The following ASAP2 variants were observed in gnomAD, a reference collection of about 807,000 sequenced individuals.
ASAP2 encodes arf-GAP with SH3 domain, ANK repeat and PH domain-containing protein 2.
A neutral mutation model predicts 131.4 loss-of-function variants in ASAP2; 45 were observed. That is an observed-to-expected ratio of 0.34 (90% confidence interval 0.27 to 0.44). ASAP2 has a LOEUF of 0.44. Among genes scored for constraint, ASAP2 ranks in the 20% least tolerant of loss-of-function variants. The pLI is 1.00. For synonymous variants in ASAP2, 510 were observed against 503.0 expected, an observed-to-expected ratio of 1.01 and a Z score of -0.19; for missense variants, 1,011 against 1,297.0, an observed-to-expected ratio of 0.78 and a Z score of 3.39.
chr2:9,397,737 TATATATA>T (rs1676259603), intron 24 of ASAP2, among the ~76,000 whole-genome samples: 1 of 89,946 alleles, frequency 1.1e-5, no homozygotes, highest in African/African-American at 8.6e-5. Flanking sequence ...GATATATATA[TATATATA>T]TATATATTTT....
At chr2:9,358,617 A>C in intron 14 of ASAP2, 139 bp from the exon 15 acceptor site, 1 of 1,098,920 alleles carries the variant, frequency 9.1e-7, no homozygotes. Flanking sequence ...GTAATTATGG[A>C]CAAAGTTTCC....
At chr2:9,368,643 C>A in intron 16 of ASAP2, 124 bp downstream of exon 16, 1 of 755,920 alleles carries the variant, frequency 1.3e-6, no homozygotes, top group Non-Finnish European at 2.2e-6. Context: ...AATAAATCAG[C>A]CTATGTTGGG....
chr2:9,293,868 C>G (rs1190909590), intron 2 of ASAP2, among the ~76,000 whole-genome samples: 1 of 152,104 alleles, frequency 6.6e-6, no homozygotes, highest in Non-Finnish European at 1.5e-5. Flanking sequence ...GTGCTGATTG[C>G]AGTGGATGAA....
chr2:9,317,120 A>ACTCACATCCACATTCACACACT (rs1226341336), intron 3 of ASAP2, among the ~76,000 whole-genome samples: 1 of 12,232 alleles, frequency 8.2e-5, no homozygotes, highest in African/African-American at 1.6e-4. Context: ...CCACGCAATC[A>ACTCACATCCACATTCACACACT]CAACCACACA....
chr2:9,251,198 C>A (rs185744891), intron 1 of ASAP2, among the ~76,000 whole-genome samples: 57 of 152,320 alleles, frequency 3.7e-4, no homozygotes, highest in Admixed American at 3.7e-3. Context: ...AGCGTTGTCA[C>A]ATCAGGAGTT....
Position 9,279,304 on chromosome 2 carries a change from C to T in ASAP2, c.127-13C>T, listed in dbSNP as rs1666971757. 2 of 1,613,134 alleles carry T rather than the reference C, an allele frequency of 1.2e-6. No homozygotes were observed. Among genetic ancestry groups the T allele is most frequent in the African/African-American group, 2.7e-5 (2 of 74,880 alleles). On this transcript the variant is annotated splice_polypyrimidine_tract_variant and intron_variant, in intron 1 of 27. Transcript: ENST00000281419. ...ACAGACACGGTTTAATGACTGTATT[C>T]TCTACATTTTAGGCTTTGGACGTGG... is the stretch of plus-strand genomic sequence containing the variant.
At chr2:9,220,556 T>C (rs1011594662) in intron 1 of ASAP2, among the ~76,000 whole-genome samples, 14 of 152,244 alleles carry the variant, frequency 9.2e-5, no homozygotes, top group Admixed American at 6.5e-4. Context: ...CATGTTTATA[T>C]TGGATTATTT....
chr2:9,391,668 G>A (rs371602206), intron 23 of ASAP2, among the ~76,000 whole-genome samples: 171 of 149,582 alleles, frequency 1.1e-3, no homozygotes, highest in African/African-American at 3.9e-3. Flanking sequence ...TCTGCCTCCC[G>A]GGTTCAAGAG....
In ASAP2 at chr2:9,356,045, A is replaced by G; in HGVS notation, c.1112-2A>G. ...ACAGTTGAAATTCCTCTTGCTATGC[A>G]GATGACAGAACTTACCACTTTCAAG... On this transcript the variant is annotated splice_acceptor_variant, in intron 12 of 27. Transcript: ENST00000281419. LOFTEE classifies it high-confidence loss of function. The G allele has an allele frequency of 6.2e-7, 1 of 1,614,236 alleles. No individual in the cohort carries two copies. Among genetic ancestry groups the G allele is most frequent in the Non-Finnish European group, 8.5e-7 (1 of 1,180,042 alleles).
At chr2:9,334,321 C>G (rs1372437040) in intron 7 of ASAP2, among the ~76,000 whole-genome samples, 1 of 151,692 alleles carries the variant, frequency 6.6e-6, no homozygotes, top group Non-Finnish European at 1.5e-5. Flanking sequence ...AGTCCCTCAC[C>G]CTGGGATTAT....
intron 12 of ASAP2, 134 bp downstream of exon 12, chr2:9,351,029 C>A: frequency 3.2e-6 from 2 of 631,532 alleles, no homozygotes; most frequent in East Asian, 2.9e-5. Context: ...TAGTGATATG[C>A]GTGCTTTGTG....
At chr2:9,254,298 A>G (rs13009593) in intron 1 of ASAP2, among the ~76,000 whole-genome samples, 52,973 of 109,736 alleles carry the variant, frequency 0.48, 14,554 homozygotes, top group African/African-American at 0.69. Context: ...TGTTATAATT[A>G]TTCTATTAGT....
At position 9,311,227 on chromosome 2, in the gene ASAP2, A is replaced by C. The variant is rs959723477; in HGVS notation, c.346-7297A>C. Among the ~76,000 whole-genome samples, 1 of 152,036 alleles carries C rather than the reference A, an allele frequency of 6.6e-6. No individual in the cohort carries two copies. The highest frequency in any genetic ancestry group is 2.4e-5 in the African/African-American group (1 of 41,390). The stretch of plus-strand genomic sequence containing the variant: ...GGCAACATGGGGAGACCCTGTCTTG[A>C]CAAAAAATAAAAATAAAAAAATTAG... On this transcript the variant is annotated intron_variant, in intron 3 of 27. Coordinates refer to ENST00000281419, the MANE Select transcript of ASAP2 (RefSeq NM_003887.3). The surrounding 1 kb of genome is among the most constrained non-coding windows in gnomAD (Gnocchi z 5.2).
Position 9,207,639 on chromosome 2 carries a change from G to T in ASAP2, c.126+409G>T, listed in dbSNP as rs1293034009. Among the ~76,000 whole-genome samples, 2 of 151,856 alleles carry T rather than the reference G, an allele frequency of 1.3e-5. No individual in the cohort carries two copies. Among genetic ancestry groups the T allele is most frequent in the Admixed American group, 6.6e-5 (1 of 15,258 alleles). On this transcript the variant is annotated intron_variant, in intron 1 of 27. Coordinates refer to ENST00000281419, the MANE Select transcript of ASAP2 (RefSeq NM_003887.3). This position sits in a 1 kb window ranked among gnomAD's most constrained non-coding sequence, Gnocchi z 4.1. ...GAAGTGGACCGGCGGGGGCAGCTCC[G>T]CGCTCCGAGCTCCCCGCCGCAGCCC...
intron 2 of ASAP2, among the ~76,000 whole-genome samples, chr2:9,290,986 T>C (rs1005828829): frequency 1.3e-5 from 2 of 152,236 alleles, no homozygotes; most frequent in Non-Finnish European, 2.9e-5. Flanking sequence ...TTCAACCTCC[T>C]CTCTACATTT....
rs565984146 is a variant in ASAP2, at chr2:9,342,389, G to C, written c.850-2143G>C. 5.3e-5 allele frequency among the ~76,000 whole-genome samples: 8 copies of C among 152,204 alleles called. No homozygotes were observed. The South Asian group carries it at 6.2e-4, about 12-fold the overall frequency. ...TTTAGAGATGATTTATTTTTAACAAGGGTGCCAAGGCAATGGAGAAGGAGT... is the reference window on the plus strand; with the variant it reads ...TTTAGAGATGATTTATTTTTAACAACGGTGCCAAGGCAATGGAGAAGGAGT... On this transcript the variant is annotated intron_variant, in intron 9 of 27. Transcript: ENST00000281419.
chr2:9,219,103 C>G (rs1444818881), intron 1 of ASAP2, among the ~76,000 whole-genome samples: 2 of 152,210 alleles, frequency 1.3e-5, no homozygotes, highest in Non-Finnish European at 2.9e-5. Context: ...CTTTGCTTCT[C>G]TGGTGAAAAG....
intron 2 of ASAP2, among the ~76,000 whole-genome samples, chr2:9,286,447 A>AAAAAAAATATATATATAT (rs58605449): frequency 1.0e-4 from 15 of 148,408 alleles, no homozygotes; most frequent in African/African-American, 3.8e-4. Flanking sequence ...GAAAAAAAAA[A>AAAAAAAATATATATATAT]ATATATATAT....
At chr2:9,341,458 C>CT (rs112625474) in intron 9 of ASAP2, among the ~76,000 whole-genome samples, 1 of 152,136 alleles carries the variant, frequency 6.6e-6, no homozygotes, top group East Asian at 1.9e-4. Flanking sequence ...TCATTGTCAC[C>CT]TTCTGGCATA....
Sources: gnomAD v4.1 joint callset for allele counts (sites outside exome capture counted in the v4.1 genomes callset) on GRCh38, gnomAD v4.1.1 for gene constraint, Gnocchi (gnomAD v3.1) non-coding constraint, MANE v1.5 for transcripts, NCBI Gene and HGNC (gene_info 2026-07-23, HGNC 2026-07-21) for gene names.